Variants in RGS21 observed in about 807,000 individuals in gnomAD.
RGS21 encodes the protein regulator of G-protein signalling 21.
A neutral mutation model predicts 18.7 loss-of-function variants in RGS21; 19 were observed. That is an observed-to-expected ratio of 1.01 (90% confidence interval 0.71 to 1.49). RGS21 has a LOEUF of 1.49. RGS21 is among the 40% of genes most tolerant of loss of function. The pLI is 0.00. For synonymous variants in RGS21, 56 were observed against 57.8 expected, an observed-to-expected ratio of 0.97 and a Z score of 0.14; for missense variants, 194 against 176.8, an observed-to-expected ratio of 1.10 and a Z score of -0.55.
At chr1:192,336,192 C>T (rs768350691) in intron 1 of RGS21, among the ~76,000 whole-genome samples, 26 of 152,290 alleles carry the variant, frequency 1.7e-4, no homozygotes, top group Admixed American at 7.8e-4. Context: ...CAGTGGCTCA[C>T]GCCTGCAATC....
chr1:192,319,089 T>A (rs1485931577), intron 1 of RGS21, among the ~76,000 whole-genome samples: 4 of 151,902 alleles, frequency 2.6e-5, no homozygotes, highest in Non-Finnish European at 5.9e-5. Flanking sequence ...AAAAATAATT[T>A]AAAAATTAGC....
At position 192,367,275 on chromosome 1, in the gene RGS21, A is replaced by G. The variant is rs1659273405; in HGVS notation, c.*1151A>G. ...TTCATCATGAGAAATAAACATTTAAACATATTCAAATGGAATATTCCCTGT... is the reference window on the plus strand; with the variant it reads ...TTCATCATGAGAAATAAACATTTAAGCATATTCAAATGGAATATTCCCTGT... On this transcript the variant is annotated 3_prime_UTR_variant, in exon 5 of 5. Transcript: ENST00000417209. 1 of 152,090 alleles carries G rather than the reference A, an allele frequency of 6.6e-6. No homozygotes were observed. The highest frequency in any genetic ancestry group is 2.4e-5 in the African/African-American group (1 of 41,456). The allele number at this position is 152,090 out of a possible 1,614,324, so 9.4% of individuals were successfully genotyped here.
chr1:192,328,162 C>A (rs1250084082), intron 1 of RGS21, among the ~76,000 whole-genome samples: 1 of 152,168 alleles, frequency 6.6e-6, no homozygotes, highest in Non-Finnish European at 1.5e-5. Context: ...CGTGATTGAT[C>A]CTTTAACTGT....
intron 1 of RGS21, among the ~76,000 whole-genome samples, chr1:192,324,222 T>C (rs1382031724): frequency 1.3e-5 from 2 of 152,074 alleles, no homozygotes; most frequent in African/African-American, 4.8e-5. Context: ...TCTTTAGTTA[T>C]ATTTTGGTTG....
intron 4 of RGS21, among the ~76,000 whole-genome samples, chr1:192,353,941 G>T (rs923328212): frequency 6.6e-6 from 1 of 151,244 alleles, no homozygotes; most frequent in Non-Finnish European, 1.5e-5. Flanking sequence ...CTGAAAATAC[G>T]CAAGTATAAA....
chr1:192,330,278 CT>C (rs1237467039), intron 1 of RGS21, among the ~76,000 whole-genome samples: 1 of 152,120 alleles, frequency 6.6e-6, no homozygotes, highest in African/African-American at 2.4e-5. Context: ...GCAAGCAAAG[CT>C]TTGAAATCCA....
chr1:192,352,012 C>A, intron 3 of RGS21, 35 bp from the exon 4 acceptor site: 1 of 1,336,464 alleles, frequency 7.5e-7, no homozygotes, highest in Non-Finnish European at 1.0e-6. Context: ...ACTCTGTATG[C>A]TATTATACAA....
intron 3 of RGS21, among the ~76,000 whole-genome samples, chr1:192,350,924 T>A (rs1368378017): frequency 6.6e-6 from 1 of 152,096 alleles, no homozygotes; most frequent in Non-Finnish European, 1.5e-5. Flanking sequence ...GAGCAAGGGA[T>A]ATAAGTGTAA....
In RGS21 at chr1:192,325,235, G is replaced by A. The variant is rs930224412; in HGVS notation, c.-61+8130G>A. 4.6e-5 allele frequency among the ~76,000 whole-genome samples: 7 copies of A among 151,962 alleles called. No individual in the cohort carries two copies. In the East Asian group the frequency reaches 5.8e-4, roughly 13 times the overall value. ...AAGAACAGGAGGTATTTGGCTTTCC[G>A]TCTCTGAATTAATTTGCTTATGATA... is the stretch of plus-strand genomic sequence containing the variant. On this transcript the variant is annotated intron_variant, in intron 1 of 4. Coordinates refer to ENST00000417209, the MANE Select transcript of RGS21 (RefSeq NM_001039152.3).
chr1:192,320,833 T>A (rs985478439), intron 1 of RGS21, among the ~76,000 whole-genome samples: 3 of 152,012 alleles, frequency 2.0e-5, no homozygotes, highest in African/African-American at 7.2e-5. Context: ...TGGCTGACCT[T>A]AAGTTAAACA....
chr1:192,337,530 C>T (rs922509085), intron 1 of RGS21, among the ~76,000 whole-genome samples: 1 of 151,994 alleles, frequency 6.6e-6, no homozygotes, highest in Non-Finnish European at 1.5e-5. Flanking sequence ...GCATTGAATA[C>T]TGAGGTCTTC....
chr1:192,326,337 C>A (rs76032189), intron 1 of RGS21, among the ~76,000 whole-genome samples: 3,427 of 152,176 alleles, frequency 0.023, 52 homozygotes, highest in Non-Finnish European at 0.034. Flanking sequence ...AAATTAGACT[C>A]TCTTAAAACG....
In RGS21 at chr1:192,344,550, A is replaced by G. The variant is rs113779128; in HGVS notation, c.11+1503A>G. ...CATCCAATACATAGTTGTGCATTTT[A>G]GTGCTATTATAAATATTGTATTTCA... On this transcript the variant is annotated intron_variant, in intron 2 of 4. Coordinates refer to ENST00000417209, the MANE Select transcript of RGS21 (RefSeq NM_001039152.3). Among the ~76,000 whole-genome samples, 624 of 152,222 alleles carry G rather than the reference A, an allele frequency of 4.1e-3. 6 individuals carry two copies. The highest frequency in any genetic ancestry group is 0.014 in the African/African-American group (592 of 41,556).
chr1:192,327,015 A>G (rs955015362), intron 1 of RGS21, among the ~76,000 whole-genome samples: 2 of 152,166 alleles, frequency 1.3e-5, no homozygotes, highest in African/African-American at 4.8e-5. Flanking sequence ...ATGTTCTAAT[A>G]AAATGGTTTT....
chr1:192,362,495 A>C (rs868226069), intron 4 of RGS21, among the ~76,000 whole-genome samples: 2 of 152,230 alleles, frequency 1.3e-5, no homozygotes, highest in Non-Finnish European at 2.9e-5. Context: ...AACAGGTGTC[A>C]GAGACAATTC....
At chr1:192,343,108 T>C in intron 2 of RGS21, 61 bp downstream of exon 2, 1 of 1,462,438 alleles carries the variant, frequency 6.8e-7, no homozygotes, top group South Asian at 1.1e-5. Context: ...CACTTGAGTC[T>C]TCTTTTAGTC....
At chr1:192,339,907 T>C (rs1258973861) in intron 1 of RGS21, among the ~76,000 whole-genome samples, 1 of 91,246 alleles carries the variant, frequency 1.1e-5, no homozygotes, top group African/African-American at 1.1e-4. Context: ...CCCTTTACTT[T>C]TTAAATTAAT....
chr1:192,339,967 T>C, intron 1 of RGS21, among the ~76,000 whole-genome samples: 1 of 152,174 alleles, frequency 6.6e-6, no homozygotes, highest in Non-Finnish European at 1.5e-5. Context: ...TATATGTATG[T>C]ACATAATTGT....
chr1:192,361,711 A>G (rs2102238692), intron 4 of RGS21, among the ~76,000 whole-genome samples: 1 of 152,002 alleles, frequency 6.6e-6, no homozygotes, highest in African/African-American at 2.4e-5. Flanking sequence ...ACGCCTGGCT[A>G]ATTTTTATAT....
Sources: allele counts gnomAD v4.1 joint callset (sites outside exome capture counted in the v4.1 genomes callset), GRCh38; gene constraint gnomAD v4.1.1; transcripts MANE v1.5; gene names NCBI Gene and HGNC (gene_info 2026-07-23, HGNC 2026-07-21).